The following SMAD6 variants were observed in gnomAD, a reference collection of about 807,000 sequenced individuals.
SMAD6 encodes the protein SMAD family member 6, also known as MAD homolog 6.
A neutral mutation model predicts 39.4 loss-of-function variants in SMAD6; 103 were observed. The ratio of observed to expected loss-of-function variants is 2.62; its 90% CI spans 2.23 to 3.08. SMAD6 has a LOEUF of 3.08. Ranked by LOEUF, SMAD6 falls within the 30% of genes most tolerant of loss-of-function variation. The probability of loss-of-function intolerance (pLI) is 0.00; values close to 1 mark genes in which losing one functional copy is unlikely to be tolerated. For missense variants in SMAD6, 1,104 were observed against 742.9 expected, an observed-to-expected ratio of 1.49 and a Z score of -5.65; for synonymous variants, 445 against 353.3, an observed-to-expected ratio of 1.26 and a Z score of -2.91.
At chr15:66,735,876 T>C (rs1893704571) in intron 3 of SMAD6, among the ~76,000 whole-genome samples, 1 of 152,200 alleles carries the variant, frequency 6.6e-6, no homozygotes, top group Admixed American at 6.5e-5. Flanking sequence ...TAAAGGGACA[T>C]CTGTGAGCCA....
At chr15:66,713,790 A>G (rs535073166) in intron 2 of SMAD6, among the ~76,000 whole-genome samples, 47 of 152,320 alleles carry the variant, frequency 3.1e-4, no homozygotes, top group African/African-American at 1.0e-3. Flanking sequence ...GTCAGCCACC[A>G]AACCATGGTG....
rs565015293 is a variant in SMAD6, at chr15:66,775,082, G to A, written c.953-5915G>A. ...CTGCCATGTTGGCCAGGCTGGTCTC[G>A]AACTCCTGACCTCAGGTGATCCACC... On this transcript the variant is annotated intron_variant, in intron 3 of 3. Transcript: ENST00000288840. Among the ~76,000 whole-genome samples the A allele has an allele frequency of 2.8e-3, 424 of 152,088 alleles. 4 individuals carry two copies. The highest frequency in any genetic ancestry group is 9.6e-3 in the African/African-American group (399 of 41,480).
At chr15:66,778,471 G>C (rs2140678348) in intron 3 of SMAD6, among the ~76,000 whole-genome samples, 1 of 152,308 alleles carries the variant, frequency 6.6e-6, no homozygotes, top group South Asian at 2.1e-4. Context: ...TCACTCTGTG[G>C]CTGGGCAGCT....
At chr15:66,758,682 C>T (rs972010519) in intron 3 of SMAD6, among the ~76,000 whole-genome samples, 4 of 151,400 alleles carry the variant, frequency 2.6e-5, no homozygotes, top group African/African-American at 7.3e-5. Flanking sequence ...GAGCTGAGAT[C>T]GTGCCGTTGC....
chr15:66,758,897 C>G (rs1356913791), intron 3 of SMAD6, among the ~76,000 whole-genome samples: 1 of 152,186 alleles, frequency 6.6e-6, no homozygotes, highest in Middle Eastern at 3.4e-3. Context: ...GCAAGAGGAG[C>G]AATATTAATA....
In SMAD6 at chr15:66,721,691, G is replaced by T. The variant is rs191675428; in HGVS notation, c.952+5193G>T. Among the ~76,000 whole-genome samples the T allele has an allele frequency of 1.6e-4, 24 of 152,340 alleles. 1 individual carries two copies. The East Asian group carries it at 4.4e-3, about 28-fold the overall frequency. On this transcript the variant is annotated intron_variant, in intron 3 of 3. Transcript: ENST00000288840. ...AGATGATGCCTGTGAGTCAGCCAAG[G>T]CCTGTCACACTGCATGTGGTGGGTG...
chr15:66,771,150 C>T (rs1226557163), intron 3 of SMAD6, among the ~76,000 whole-genome samples: 2 of 152,146 alleles, frequency 1.3e-5, no homozygotes, highest in Admixed American at 6.5e-5. Context: ...CAGGTAGAGG[C>T]GTGCTGATGG....
At chr15:66,757,478 G>T (rs1268208846) in intron 3 of SMAD6, among the ~76,000 whole-genome samples, 1 of 152,198 alleles carries the variant, frequency 6.6e-6, no homozygotes. Context: ...CCCAGAGATG[G>T]TGTGGGGCTG....
At chr15:66,731,415 G>T (rs1056191369) in intron 3 of SMAD6, among the ~76,000 whole-genome samples, 1 of 138,488 alleles carries the variant, frequency 7.2e-6, no homozygotes, top group African/African-American at 2.8e-5. Flanking sequence ...TCCAGCCTGG[G>T]CAACAGAGCG....
At chr15:66,722,410 A>C (rs1005538198) in intron 3 of SMAD6, among the ~76,000 whole-genome samples, 1 of 152,238 alleles carries the variant, frequency 6.6e-6, no homozygotes, top group African/African-American at 2.4e-5. Flanking sequence ...GTGCTCTGAA[A>C]CAATCAGACT....
intron 3 of SMAD6, among the ~76,000 whole-genome samples, chr15:66,761,692 G>T (rs1323366813): frequency 6.6e-6 from 1 of 152,180 alleles, no homozygotes; most frequent in Non-Finnish European, 1.5e-5. Flanking sequence ...TGCTCTCTGG[G>T]CCTTAGTTCC....
chr15:66,748,424 G>GAC (rs1430734577), intron 3 of SMAD6, among the ~76,000 whole-genome samples: 2 of 152,082 alleles, frequency 1.3e-5, no homozygotes, highest in African/African-American at 4.8e-5. Context: ...AGAGACCTGG[G>GAC]ACAACTTTCC....
At chr15:66,764,792 C>T (rs749190038) in intron 3 of SMAD6, among the ~76,000 whole-genome samples, 2 of 152,194 alleles carry the variant, frequency 1.3e-5, no homozygotes, top group African/African-American at 2.4e-5. Context: ...TTTGATCTCA[C>T]GGCTTCATTT....
intron 3 of SMAD6, among the ~76,000 whole-genome samples, chr15:66,731,474 T>C (rs1893628622): frequency 6.6e-6 from 1 of 151,980 alleles, no homozygotes; most frequent in Non-Finnish European, 1.5e-5. Flanking sequence ...TGAGTCTTTG[T>C]AGTCAGCCCA....
intron 3 of SMAD6, among the ~76,000 whole-genome samples, chr15:66,749,212 C>A (rs1893957563): frequency 6.6e-6 from 1 of 152,190 alleles, no homozygotes; most frequent in Non-Finnish European, 1.5e-5. Flanking sequence ...GTAATCCTAG[C>A]ACTTTTGGAG....
Position 66,703,635 on chromosome 15 carries a change from GCTGT to G in SMAD6, c.380_383del (p.Cys127SerfsTer53). 1 of 1,233,428 alleles carries G rather than the reference GCTGT, an allele frequency of 8.1e-7. No individual in the cohort carries two copies. The highest frequency in any genetic ancestry group is 1.0e-6 in the Non-Finnish European group (1 of 986,770). 76.4% of individuals were successfully genotyped at this position (1,233,428 alleles called of 1,614,324 possible). A position where few individuals can be genotyped will look rare whatever the true frequency, so the allele number is the denominator to read the frequency against. ...GAGAGTGACTGCGAGACGGTGACCT[GCTGT>G]CTCTTTTCGGAGCGGGACGCCGCCG... On this transcript the variant is annotated frameshift_variant, in exon 1 of 4. Transcript: ENST00000288840. LOFTEE classifies it high-confidence loss of function.
chr15:66,768,162 G>A (rs566214707), intron 3 of SMAD6, among the ~76,000 whole-genome samples: 2 of 151,824 alleles, frequency 1.3e-5, no homozygotes, highest in South Asian at 4.2e-4. Flanking sequence ...TGTAGAGATG[G>A]GGACTTGCTA....
chr15:66,751,494 G>T (rs1383903754), intron 3 of SMAD6, among the ~76,000 whole-genome samples: 1 of 152,216 alleles, frequency 6.6e-6, no homozygotes, highest in Admixed American at 6.5e-5. Flanking sequence ...ACGCTGGGTG[G>T]GTCTATTGCT....
intron 3 of SMAD6, among the ~76,000 whole-genome samples, chr15:66,729,847 A>G (rs1466450467): frequency 3.3e-5 from 5 of 152,042 alleles, no homozygotes. Flanking sequence ...CAAAGGCGGC[A>G]CCGCGGCCGG....
Sources: allele counts gnomAD v4.1 joint callset (sites outside exome capture counted in the v4.1 genomes callset), GRCh38; gene constraint gnomAD v4.1.1; transcripts MANE v1.5; gene names NCBI Gene and HGNC (gene_info 2026-07-23, HGNC 2026-07-21).